DCAF8: variants seen among roughly 807,000 people sequenced by gnomAD.
DCAF8 encodes the protein DDB1 and CUL4 associated factor 8, also known as DDB1- and CUL4-associated factor 8.
DCAF8 carries 20 observed loss-of-function variants against 68.0 expected under a neutral mutation model. The ratio of observed to expected loss-of-function variants is 0.29; its 90% confidence interval spans 0.21 to 0.43. The LOEUF is 0.43. Ranked by LOEUF, DCAF8 falls within the 20% of genes least tolerant of loss-of-function variation. DCAF8 has a pLI of 1.00. For missense variants in DCAF8, 460 were observed against 771.0 expected, an observed-to-expected ratio of 0.60 and a Z score of 4.78; for synonymous variants, 230 against 276.9, an observed-to-expected ratio of 0.83 and a Z score of 1.68.
chr1:160,221,018 T>C (rs1465602380), intron 11 of DCAF8: 1 of 152,200 alleles, frequency 6.6e-6, no homozygotes, highest in Non-Finnish European at 1.5e-5. Flanking sequence ...CTTATTCTAC[T>C]CATTTACTCT....
intron 6 of DCAF8, 76 bp downstream of exon 6, chr1:160,237,059 A>T: frequency 9.7e-7 from 1 of 1,032,294 alleles, no homozygotes; most frequent in Non-Finnish European, 1.4e-6. Context: ...AACCAGAGTT[A>T]GGCATTACCA....
chr1:160,246,940 C>A (rs952446194), intron 2 of DCAF8, among the ~76,000 whole-genome samples: 1 of 152,282 alleles, frequency 6.6e-6, no homozygotes, highest in South Asian at 2.1e-4. Flanking sequence ...GGCAGGACGA[C>A]AGAGCAAGAC....
intron 6 of DCAF8, 67 bp downstream of exon 6, chr1:160,237,068 C>A (rs1225184443): frequency 3.4e-6 from 4 of 1,163,414 alleles, no homozygotes; most frequent in Non-Finnish European, 4.9e-6. Flanking sequence ...TAGGCATTAC[C>A]AAGACATATG....
chr1:160,248,754 T>C lies in DCAF8; in HGVS notation c.-26-4720A>G, dbSNP rs148908968. On this transcript the variant is annotated intron_variant, in intron 2 of 13. Coordinates refer to ENST00000368074, the MANE Select transcript of DCAF8 (RefSeq NM_015726.4). ...AACTAAATAATTATCGCGAGCTGGA[T>C]ATGGTGGCTCACACCTGTAATCCCA... 3.3e-5 allele frequency among the ~76,000 whole-genome samples: 5 copies of C among 151,298 alleles called. No individual in the cohort carries two copies. In the East Asian group the frequency reaches 9.8e-4, roughly 30 times the overall value.
At chr1:160,237,800 A>G (rs1051416495) in intron 5 of DCAF8, among the ~76,000 whole-genome samples, 2 of 152,066 alleles carry the variant, frequency 1.3e-5, no homozygotes, top group Non-Finnish European at 2.9e-5. Flanking sequence ...TCAGCCTCCC[A>G]AAGTATTGGG....
At chr1:160,234,347 AC>A (rs1415528846) in intron 6 of DCAF8, among the ~76,000 whole-genome samples, 2 of 151,730 alleles carry the variant, frequency 1.3e-5, no homozygotes, top group Non-Finnish European at 2.9e-5. Context: ...TTAAAGACTC[AC>A]TGTCTTTATT....
At chr1:160,246,701 G>T (rs1182713779) in intron 2 of DCAF8, among the ~76,000 whole-genome samples, 1 of 152,148 alleles carries the variant, frequency 6.6e-6, no homozygotes, top group Non-Finnish European at 1.5e-5. Context: ...ATCTTTTCCA[G>T]CCAGGCACGG....
At chr1:160,246,863 A>G (rs1389277606) in intron 2 of DCAF8, among the ~76,000 whole-genome samples, 1 of 152,188 alleles carries the variant, frequency 6.6e-6, no homozygotes, top group African/African-American at 2.4e-5. Flanking sequence ...TAGGGCTGAG[A>G]TGGAAGGATC....
chr1:160,249,714 A>G (rs1226985113), intron 2 of DCAF8, among the ~76,000 whole-genome samples: 1 of 152,238 alleles, frequency 6.6e-6, no homozygotes, highest in Non-Finnish European at 1.5e-5. Context: ...TAATAGTTTT[A>G]CTTAAATTCA....
chr1:160,222,601 T>G lies in DCAF8; in HGVS notation c.1440+50A>C, dbSNP rs776795592. 5.0e-6 allele frequency: 8 copies of G among 1,606,618 alleles called. No individual in the cohort carries two copies. The East Asian group carries it at 1.8e-4, about 36-fold the overall frequency. On this transcript the variant is annotated intron_variant, in intron 11 of 13. Transcript: ENST00000368074. The stretch of plus-strand genomic sequence containing the variant: ...TCAGTGTCCCTGCTAAAACCTACCT[T>G]AATGACTGGAGAGATTAGGGAGCCA...
chr1:160,236,439 T>C (rs994498124), intron 6 of DCAF8, among the ~76,000 whole-genome samples: 3 of 152,000 alleles, frequency 2.0e-5, no homozygotes, highest in Non-Finnish European at 4.4e-5. Flanking sequence ...TGTATGTGTG[T>C]GTGTGTGTAT....
intron 2 of DCAF8, among the ~76,000 whole-genome samples, chr1:160,249,725 T>C (rs1656502159): frequency 1.3e-5 from 2 of 152,148 alleles, no homozygotes; most frequent in South Asian, 4.1e-4. Context: ...CTTAAATTCA[T>C]CAAAAAACTG....
chr1:160,224,839 T>A (rs759590581), intron 9 of DCAF8, among the ~76,000 whole-genome samples: 2 of 152,254 alleles, frequency 1.3e-5, no homozygotes, highest in African/African-American at 2.4e-5. Flanking sequence ...GGACAGGCCC[T>A]GCCAAATATC....
intron 4 of DCAF8, 181 bp downstream of exon 4, chr1:160,239,516 G>C: frequency 1.3e-6 from 2 of 1,504,780 alleles, no homozygotes; most frequent in Non-Finnish European, 1.8e-6. Flanking sequence ...CATGCTCAAG[G>C]AATCTAGGGT....
chr1:160,215,751 TACA>T lies in DCAF8; in HGVS notation c.*1838_*1840del, dbSNP rs1655088252. The T allele has an allele frequency of 6.6e-6, 1 of 151,854 alleles. No individual in the cohort carries two copies. Among genetic ancestry groups the T allele is most frequent in the Non-Finnish European group, 1.5e-5 (1 of 67,986 alleles). 9.4% of individuals were successfully genotyped at this position (151,854 alleles called of 1,614,324 possible). A position where few individuals can be genotyped will look rare whatever the true frequency, so the allele number is the denominator to read the frequency against. ...GAAGAAAAGCTTTACTGGGAGAAAA[TACA>T]ACAAATTCCAGAGTGCATGGTTTTT... On this transcript the variant is annotated 3_prime_UTR_variant, in exon 14 of 14. Coordinates refer to ENST00000368074, the MANE Select transcript of DCAF8 (RefSeq NM_015726.4).
At chr1:160,255,864 C>T (rs923199893) in intron 2 of DCAF8, among the ~76,000 whole-genome samples, 8 of 151,976 alleles carry the variant, frequency 5.3e-5, no homozygotes, top group Non-Finnish European at 1.0e-4. Context: ...AGGTGATCCG[C>T]CCGTCTCAGC....
rs963006112 is a variant in DCAF8 at position 160,240,327 on chromosome 1, C to T, written c.93G>A (p.Glu31=). ...CAATGCCTGAGGATGTCTCCCTCCC[C>T]TCTTCAGCTCCAGACATCTCCTCTG... ...SSPEEMSGAE[E]GRETSSGIEV... The change falls in exon 4 of 14, where the codon GAG becomes GAA. Residue 31 remains glutamate (E), a synonymous_variant. Transcript: ENST00000368074. 4 of 1,613,572 alleles carry T rather than the reference C, an allele frequency of 2.5e-6. No homozygotes were observed. Among genetic ancestry groups the T allele is most frequent in the Non-Finnish European group, 3.4e-6 (4 of 1,179,932 alleles).
intron 6 of DCAF8, among the ~76,000 whole-genome samples, chr1:160,234,600 G>A (rs1040256057): frequency 6.6e-6 from 1 of 152,118 alleles, no homozygotes; most frequent in Non-Finnish European, 1.5e-5. Flanking sequence ...TGATCCACAG[G>A]ATAAGATCTC....
chr1:160,248,512 G>A (rs567824401), intron 2 of DCAF8, among the ~76,000 whole-genome samples: 1 of 152,186 alleles, frequency 6.6e-6, no homozygotes, highest in South Asian at 2.1e-4. Context: ...GAGGTGGGCA[G>A]ATCACGAGGT....
Sources: gnomAD v4.1 joint callset for allele counts (sites outside exome capture counted in the v4.1 genomes callset) on GRCh38, gnomAD v4.1.1 for gene constraint, MANE v1.5 for transcripts, NCBI Gene and HGNC (gene_info 2026-07-23, HGNC 2026-07-21) for gene names.